KLHL24: variants seen among roughly 807,000 people sequenced by gnomAD.
KLHL24 encodes kelch like family member 24.
Under a neutral mutation model 53.4 loss-of-function variants are expected in KLHL24, and 29 were observed. That is an observed-to-expected ratio of 0.54 (90% CI 0.40 to 0.74). KLHL24 has a LOEUF of 0.74. Ranked by LOEUF, KLHL24 falls within the 30% of genes least tolerant of loss-of-function variation. KLHL24 has a pLI of 0.00. For synonymous variants in KLHL24, 222 were observed against 253.7 expected (o/e 0.88, Z 1.19); for missense variants, 504 against 744.0 (o/e 0.68, Z 3.75).
chr3:183,673,024 T>TAAAATAAAATAAAAC (rs1229924441), intron 7 of KLHL24: 7 of 150,276 alleles, frequency 4.7e-5, no homozygotes, highest in Non-Finnish European at 1.0e-4. Flanking sequence ...AAAAATAAAA[T>TAAAATAAAATAAAAC]AAAATAAAAT....
At chr3:183,656,495 G>C (rs1022669361) in intron 3 of KLHL24, among the ~76,000 whole-genome samples, 1 of 152,154 alleles carries the variant, frequency 6.6e-6, no homozygotes, top group South Asian at 2.1e-4. Context: ...GCATGTTTGG[G>C]CTCAGAAATA....
At chr3:183,674,889 G>A (rs758441656) in intron 7 of KLHL24, among the ~76,000 whole-genome samples, 1 of 152,066 alleles carries the variant, frequency 6.6e-6, no homozygotes. Flanking sequence ...TTCTTATCCT[G>A]TAATGCCTGT....
intron 3 of KLHL24, among the ~76,000 whole-genome samples, chr3:183,660,061 A>C (rs911094910): frequency 2.0e-5 from 3 of 152,160 alleles, no homozygotes; most frequent in African/African-American, 7.2e-5. Flanking sequence ...GAAGCAAAAA[A>C]TGCTAATTAA....
chr3:183,651,874 A>G (rs2108799946), intron 3 of KLHL24, among the ~76,000 whole-genome samples: 1 of 152,070 alleles, frequency 6.6e-6, no homozygotes, highest in African/African-American at 2.4e-5. Context: ...GCTTGAGCCC[A>G]GGAGTTTGAG....
At chr3:183,655,374 CA>C (rs1718699127) in intron 3 of KLHL24, among the ~76,000 whole-genome samples, 4 of 152,286 alleles carry the variant, frequency 2.6e-5, no homozygotes, top group East Asian at 3.9e-4. Flanking sequence ...CACCTGTAAT[CA>C]AGCACTTTGG....
intron 3 of KLHL24, among the ~76,000 whole-genome samples, chr3:183,651,982 G>A: frequency 6.6e-6 from 1 of 151,990 alleles, no homozygotes; most frequent in Non-Finnish European, 1.5e-5. Flanking sequence ...CACATCCACA[G>A]ACTGGCCTTT....
intron 1 of KLHL24, among the ~76,000 whole-genome samples, chr3:183,637,554 TG>T (rs1357393119): frequency 1.3e-5 from 2 of 152,192 alleles, no homozygotes; most frequent in Non-Finnish European, 2.9e-5. Flanking sequence ...GTGTTGAAAA[TG>T]GTTTTTCTAA....
intron 3 of KLHL24, among the ~76,000 whole-genome samples, chr3:183,661,323 T>G (rs1424413229): frequency 2.0e-5 from 3 of 152,082 alleles, no homozygotes; most frequent in African/African-American, 7.2e-5. Flanking sequence ...TGTCCAGAAT[T>G]TTATTTATGC....
At chr3:183,640,794 G>T (rs1716298610) in intron 1 of KLHL24, among the ~76,000 whole-genome samples, 1 of 151,874 alleles carries the variant, frequency 6.6e-6, no homozygotes, top group African/African-American at 2.4e-5. Context: ...TAGAAACGGG[G>T]TTTCACTATG....
chr3:183,655,893 T>C (rs1244509233), intron 3 of KLHL24, among the ~76,000 whole-genome samples: 4 of 151,992 alleles, frequency 2.6e-5, no homozygotes, highest in Non-Finnish European at 5.9e-5. Flanking sequence ...ATCGCGCCAC[T>C]GTACTCCAGC....
chr3:183,644,132 C>G (rs1382394055), intron 2 of KLHL24: 3 of 149,154 alleles, frequency 2.0e-5, no homozygotes, highest in Admixed American at 1.4e-4. Flanking sequence ...CCTCCGCCTC[C>G]CGGGTTCAAG....
chr3:183,641,999 C>G (rs922098217), intron 1 of KLHL24, among the ~76,000 whole-genome samples: 1 of 152,120 alleles, frequency 6.6e-6, no homozygotes, highest in African/African-American at 2.4e-5. Context: ...TAGACCAGAT[C>G]GGTTATGAGA....
intron 5 of KLHL24, among the ~76,000 whole-genome samples, chr3:183,666,028 G>A (rs1256070402): frequency 6.6e-6 from 1 of 151,846 alleles, no homozygotes; most frequent in Non-Finnish European, 1.5e-5. Flanking sequence ...GATTACAGGT[G>A]TTCGCCACCA....
rs1010804676 is a variant in KLHL24, at chr3:183,663,182, T to A, written c.921-276T>A. 1.1e-4 allele frequency among the ~76,000 whole-genome samples: 16 copies of A among 152,268 alleles called. No homozygotes were observed. Among genetic ancestry groups the A allele is most frequent in the Admixed American group, 9.8e-4 (15 of 15,298 alleles). On this transcript the variant is annotated intron_variant, in intron 3 of 7. Transcript: ENST00000242810. The surrounding 1 kb of genome is among the most constrained non-coding windows in gnomAD (Gnocchi z 4.9). ...TTGCCAGGATTCTGATTGGGTTAGA[T>A]AGGATCTTTGGACTTTTTTACAATT...
chr3:183,636,648 G>C (rs1249985537), intron 1 of KLHL24: 1 of 152,542 alleles, frequency 6.6e-6, no homozygotes, highest in East Asian at 1.9e-4. Flanking sequence ...GGCAGCTTGT[G>C]GGCGGTACCC....
At chr3:183,661,169 G>T (rs1719735978) in intron 3 of KLHL24, among the ~76,000 whole-genome samples, 2 of 127,640 alleles carry the variant, frequency 1.6e-5, no homozygotes, top group Admixed American at 1.6e-4. Context: ...CCAGGAGTTG[G>T]AGTTGCAGTG....
intron 7 of KLHL24, chr3:183,673,127 T>C (rs4315707): frequency 0.34 from 50,946 of 151,956 alleles, 9,401 homozygotes; most frequent in African/African-American, 0.49. Context: ...ATCACTTGAA[T>C]CTGGGAGGCA....
chr3:183,658,646 A>G (rs1719258797), intron 3 of KLHL24, among the ~76,000 whole-genome samples: 1 of 152,206 alleles, frequency 6.6e-6, no homozygotes, highest in Non-Finnish European at 1.5e-5. Context: ...AGATATTATA[A>G]AAATTGCCTT....
intron 2 of KLHL24, chr3:183,644,117 T>TCCGCCTCCCG (rs1716890531): frequency 1.4e-5 from 2 of 138,986 alleles, no homozygotes; most frequent in Non-Finnish European, 3.0e-5. Flanking sequence ...CTCGGCTCAC[T>TCCGCCTCCCG]GCAACCTCCG....
Sources: gnomAD v4.1 joint callset for allele counts (sites outside exome capture counted in the v4.1 genomes callset) on GRCh38, gnomAD v4.1.1 for gene constraint, Gnocchi (gnomAD v3.1) non-coding constraint, MANE v1.5 for transcripts, NCBI Gene and HGNC (gene_info 2026-07-23, HGNC 2026-07-21) for gene names.